The following SETD2 variants were observed in gnomAD, a reference collection of about 807,000 sequenced individuals.
SETD2 encodes the protein histone-lysine N-methyltransferase SETD2.
SETD2 carries 31 observed loss-of-function variants against 242.1 expected under a neutral mutation model. The observed-to-expected ratio is 0.13, with a 90% CI of 0.10 to 0.17. The LOEUF (loss-of-function observed/expected upper bound fraction) is 0.17, where lower values mean the gene tolerates loss of function less well. Among genes scored for constraint, SETD2 ranks in the 10% least tolerant of loss-of-function variants. SETD2 has a pLI of 1.00. For missense variants in SETD2, 2,481 were observed against 3,046.3 expected (o/e 0.81, Z 4.37); for synonymous variants, 1,006 against 1,066.5 (o/e 0.94, Z 1.11).
At chr3:47,048,422 G>A (rs944324199) in intron 15 of SETD2, among the ~76,000 whole-genome samples, 1 of 152,034 alleles carries the variant, frequency 6.6e-6, no homozygotes, top group African/African-American at 2.4e-5. Flanking sequence ...CACCTGTATA[G>A]GGAACTAACT....
rs189001727 is a variant in SETD2 at position 47,126,632 on chromosome 3, G to C, written c.87+16C>G. The C allele has an allele frequency of 1.2e-5, 16 of 1,307,108 alleles. No homozygotes were observed. The Admixed American group carries it at 2.9e-4, about 24-fold the overall frequency. 81.0% of individuals were successfully genotyped at this position (1,307,108 alleles called of 1,614,324 possible). A position where few individuals can be genotyped will look rare whatever the true frequency, so the allele number is the denominator to read the frequency against. On this transcript the variant is annotated intron_variant, in intron 2 of 20. Transcript: ENST00000409792. ...CCATCTCATAATCATTGAATGACTA[G>C]TTAAATTATACTTACCTCATTTTCT...
At chr3:47,129,802 T>G (rs1372094630) in intron 1 of SETD2, among the ~76,000 whole-genome samples, 2 of 151,834 alleles carry the variant, frequency 1.3e-5, no homozygotes, top group African/African-American at 4.8e-5. Context: ...GGAGAATCGC[T>G]TGAACCGGGA....
At chr3:47,106,263 T>C (rs2042414720) in intron 5 of SETD2, 143 bp from the exon 6 acceptor site, 1 of 715,596 alleles carries the variant, frequency 1.4e-6, no homozygotes, top group Non-Finnish European at 2.2e-6. Flanking sequence ...TTCAAACACA[T>C]GTCAAGTATC....
At chr3:47,067,406 C>CTTTTT (rs548953692) in intron 12 of SETD2, among the ~76,000 whole-genome samples, 7 of 83,900 alleles carry the variant, frequency 8.3e-5, no homozygotes, top group African/African-American at 1.6e-4. Context: ...TCCTGAGCAT[C>CTTTTT]TTTTTTTTTT....
At chr3:47,099,080 T>C (rs2042110917) in intron 8 of SETD2, among the ~76,000 whole-genome samples, 1 of 152,174 alleles carries the variant, frequency 6.6e-6, no homozygotes, top group African/African-American at 2.4e-5. Context: ...TCCTAGATTA[T>C]AATCAGATCA....
chr3:47,108,433 T>C lies in SETD2; in HGVS notation c.4716-2313A>G, dbSNP rs529835037. Among the ~76,000 whole-genome samples the C allele has an allele frequency of 5.3e-5, 8 of 152,332 alleles. No homozygotes were observed. In the South Asian group the frequency reaches 1.7e-3, roughly 32 times the overall value. On this transcript the variant is annotated intron_variant, in intron 5 of 20. Coordinates refer to ENST00000409792, the MANE Select transcript of SETD2 (RefSeq NM_014159.7). Reference sequence around the variant, plus strand: ...TTTGACAAATAAGACAGAGTTTGGATAATGTAGGTGATCTATCCAACTTCA... The same window carrying C: ...TTTGACAAATAAGACAGAGTTTGGACAATGTAGGTGATCTATCCAACTTCA...
intron 9 of SETD2, among the ~76,000 whole-genome samples, chr3:47,093,209 C>G (rs894920071): frequency 2.0e-5 from 3 of 151,510 alleles, no homozygotes; most frequent in Non-Finnish European, 2.9e-5. Flanking sequence ...CTCAACCTTA[C>G]ATTTTAAGAG....
At chr3:47,116,277 G>C (rs188466867) in intron 4 of SETD2, among the ~76,000 whole-genome samples, 13 of 152,180 alleles carry the variant, frequency 8.5e-5, no homozygotes, top group Admixed American at 3.3e-4. Flanking sequence ...TGAAATGTTA[G>C]GGTTTTATTT....
intron 1 of SETD2, among the ~76,000 whole-genome samples, chr3:47,139,270 T>C (rs922353165): frequency 1.3e-5 from 2 of 152,178 alleles, no homozygotes; most frequent in Non-Finnish European, 2.9e-5. Flanking sequence ...CTAAAGCCTT[T>C]CCTTCCTTTG....
rs2106725214 is a variant in SETD2, at chr3:47,124,316, G to A, written c.320C>T (p.Pro107Leu). The A allele has an allele frequency of 6.4e-7, 1 of 1,551,768 alleles. No individual in the cohort carries two copies. The highest frequency in any genetic ancestry group is 8.7e-7 in the Non-Finnish European group (1 of 1,147,000). The change falls in exon 3 of 21, where the codon CCT becomes CTT. Residue 107 changes from proline (P) to leucine (L), a missense_variant. Pro to Leu is a moderately conservative substitution (Grantham distance 98, BLOSUM62 -3). Around this residue, in one of 17 missense-constraint regions of SETD2, gnomAD observed 334 missense variants for 374.5 expected, o/e 0.89. Transcript: ENST00000409792. ...TTTAGGAGTCGAGTCTACCTGAAGAGGTACAGCTGGAGGGTTTGGAGTATC... is the reference window on the plus strand; with the variant it reads ...TTTAGGAGTCGAGTCTACCTGAAGAAGTACAGCTGGAGGGTTTGGAGTATC... ...QSDTPNPPAV[P>L]LQVDSTPKMK...
intron 14 of SETD2, among the ~76,000 whole-genome samples, chr3:47,059,073 T>C (rs2107582129): frequency 6.7e-6 from 1 of 150,330 alleles, no homozygotes; most frequent in East Asian, 2.0e-4. Context: ...CCTCCCAAAG[T>C]GCTGGGATTA....
rs756854758 is a variant in SETD2 at position 47,057,038 on chromosome 3, T to C, written c.6746A>G (p.His2249Arg). The C allele has an allele frequency of 1.6e-5, 26 of 1,614,106 alleles. No homozygotes were observed. In the East Asian group the frequency reaches 5.6e-4, roughly 35 times the overall value. ...QYVAQSDGVV[H>R]QDSSVAVLPV... ...CAAGACAGCAACGCTGGAGTCTTGG[T>C]GTACTACACCATCACTCTGGGCCAC... Residue 2249 changes from histidine (H) to arginine (R), a missense_variant, in exon 15 of 21, where the codon CAC becomes CGC. Physicochemically the swap from His to Arg is conservative, Grantham distance 29. Coordinates refer to ENST00000409792, the MANE Select transcript of SETD2 (RefSeq NM_014159.7).
Position 47,085,221 on chromosome 3 carries a change from G to C in SETD2, c.5398-839C>G, listed in dbSNP as rs571760531. 2.6e-5 allele frequency among the ~76,000 whole-genome samples: 4 copies of C among 152,202 alleles called. No individual in the cohort carries two copies. In the South Asian group the frequency reaches 8.3e-4, roughly 32 times the overall value. ...CAGCAAGAATCACAACATCAAATAG[G>C]ACTGATTAATATTCTCTACCAGTAG... is the stretch of plus-strand genomic sequence containing the variant. On this transcript the variant is annotated intron_variant, in intron 11 of 20. Coordinates refer to ENST00000409792, the MANE Select transcript of SETD2 (RefSeq NM_014159.7).
rs751617319 is a variant in SETD2, at chr3:47,121,722, C to T, written c.2914G>A (p.Glu972Lys). The T allele has an allele frequency of 3.1e-5, 50 of 1,614,022 alleles. No individual in the cohort carries two copies. The East Asian group carries it at 1.1e-3, about 35-fold the overall frequency. The part of the protein sequence containing the change: ...AQEEGNSILP[E>K]RRGRPEISLD... ...GAGATTTCTGGTCTTCCTCTTCTTT[C>T]AGGCAATATGGAATTCCCTTCTTCT... The change falls in exon 3 of 21, where the codon GAA becomes AAA. Residue 972 changes from glutamate (E) to lysine (K), a missense_variant. Physicochemically the swap from Glu to Lys is moderately conservative, Grantham distance 56 (BLOSUM62 1). Transcript: ENST00000409792.
intron 3 of SETD2, among the ~76,000 whole-genome samples, chr3:47,119,163 G>A (rs912576526): frequency 2.0e-5 from 3 of 151,990 alleles, no homozygotes; most frequent in Admixed American, 2.0e-4. Context: ...GATACTTTTT[G>A]TTTTGGTTTT....
intron 5 of SETD2, among the ~76,000 whole-genome samples, chr3:47,110,039 A>G (rs2042591152): frequency 6.6e-6 from 1 of 152,056 alleles, no homozygotes; most frequent in African/African-American, 2.4e-5. Context: ...TAACAAAAGG[A>G]TATACAAAAT....
chr3:47,154,138 C>T (rs993640003), intron 1 of SETD2, among the ~76,000 whole-genome samples: 2 of 152,130 alleles, frequency 1.3e-5, no homozygotes, highest in African/African-American at 4.8e-5. Flanking sequence ...TGGCCAGGCG[C>T]GATGGCTCAC....
intron 1 of SETD2, 25 bp downstream of exon 1, chr3:47,163,829 G>T (rs746235057): frequency 3.2e-6 from 4 of 1,265,860 alleles, no homozygotes; most frequent in African/African-American, 1.5e-5. Context: ...CGACAGCAGC[G>T]GGGGGCCGCG....
At chr3:47,080,731 T>C in intron 12 of SETD2, 7 of 931,734 alleles carry the variant, frequency 7.5e-6, no homozygotes, top group Non-Finnish European at 9.0e-6. Context: ...ACTTTAGGAG[T>C]CAAAATGTGT....
Sources: allele counts gnomAD v4.1 joint callset (sites outside exome capture counted in the v4.1 genomes callset), GRCh38; gene constraint gnomAD v4.1.1; regional missense constraint gnomAD v4.1.1; transcripts MANE v1.5; gene names NCBI Gene and HGNC (gene_info 2026-07-23, HGNC 2026-07-21).